The following BRD8 variants were observed in gnomAD, a reference collection of about 807,000 sequenced individuals.
BRD8 encodes bromodomain containing 8.
In BRD8, 67 loss-of-function variants were observed where a neutral mutation model predicts 143.1. The observed-to-expected ratio is 0.47, with a 90% CI of 0.38 to 0.57. The LOEUF (loss-of-function observed/expected upper bound fraction) is 0.57. Among genes scored for constraint, BRD8 ranks in the 20% least tolerant of loss-of-function variants. The pLI is 0.00. For synonymous variants in BRD8, 505 were observed against 517.1 expected, an observed-to-expected ratio of 0.98 and a Z score of 0.32; for missense variants, 1,103 against 1,503.0, an observed-to-expected ratio of 0.73 and a Z score of 4.40.
intron 21 of BRD8, 89 bp downstream of exon 21, chr5:138,152,393 A>G: frequency 2.0e-6 from 3 of 1,520,460 alleles, no homozygotes; most frequent in Non-Finnish European, 2.7e-6. Flanking sequence ...TTAGTAAACA[A>G]TATTAAGAGT....
chr5:138,140,996 TAAC>T (rs1320149172), intron 25 of BRD8, 114 bp from the exon 26 acceptor site: 2 of 1,086,352 alleles, frequency 1.8e-6, no homozygotes, highest in Non-Finnish European at 2.7e-6. Context: ...GTAGCAAAGA[TAAC>T]AACCCTCATC....
Position 138,163,166 on chromosome 5 carries a change from G to C in BRD8, c.2051C>G (p.Ala684Gly), listed in dbSNP as rs761543457. ...AGCAGGGCTGCTGGGGATGGAGTCT[G>C]CCAGTGTGTGTGACTGCAGTGTAGC... The part of the protein sequence containing the change: ...HNATLQSHTL[A>G]DSIPSSPASS... The change falls in exon 15 of 27, where the codon GCA becomes GGA. Residue 684 changes from alanine (A) to glycine (G), a missense_variant. By Grantham distance (60) the Ala-to-Gly change is moderately conservative. Coordinates refer to ENST00000254900, the MANE Select transcript of BRD8 (RefSeq NM_139199.2). 6.2e-7 allele frequency: 1 copy of C among 1,614,144 alleles called. No individual in the cohort carries two copies. The highest frequency in any genetic ancestry group is 8.5e-7 in the Non-Finnish European group (1 of 1,180,040).
chr5:138,166,422 A>AAG, intron 10 of BRD8, 96 bp downstream of exon 10: 1 of 723,462 alleles, frequency 1.4e-6, no homozygotes. Context: ...TAGAACAGAG[A>AAG]AGAAGCATCT....
intron 25 of BRD8, among the ~76,000 whole-genome samples, chr5:138,144,123 TA>T (rs1029603029): frequency 5.0e-5 from 6 of 120,788 alleles, no homozygotes; most frequent in African/African-American, 1.8e-4. Context: ...ACTCCGGATG[TA>T]CCACCTTTAA....
At position 138,166,619 on chromosome 5, in the gene BRD8, G is replaced by A. The variant is rs766380277; in HGVS notation, c.896C>T (p.Pro299Leu). The A allele has an allele frequency of 3.7e-6, 6 of 1,613,236 alleles. No homozygotes were observed. The highest frequency in any genetic ancestry group is 5.1e-6 in the Non-Finnish European group (6 of 1,179,312). The part of the protein sequence containing the change: ...ASEPPVKLVP[P>L]PVESVSQATI... Reference sequence around the variant, plus strand: ...AGCTTGGGACACAGACTCTACAGGGGGTGGCACAAGTTTAACTGGAGGCTC... The same window carrying A: ...AGCTTGGGACACAGACTCTACAGGGAGTGGCACAAGTTTAACTGGAGGCTC... Residue 299 changes from proline to leucine, a missense_variant, in exon 10 of 27, where the codon CCC becomes CTC. Physicochemically the swap from Pro to Leu is moderately conservative, Grantham distance 98 (BLOSUM62 -3). Coordinates refer to ENST00000254900, the MANE Select transcript of BRD8 (RefSeq NM_139199.2).
intron 23 of BRD8, among the ~76,000 whole-genome samples, chr5:138,146,374 G>C (rs1390549506): frequency 7.0e-6 from 1 of 143,502 alleles, no homozygotes; most frequent in Non-Finnish European, 1.5e-5. Flanking sequence ...TTTTTTTTTT[G>C]AGACAGGGTC....
At chr5:138,145,908 C>T (rs768378975) in intron 23 of BRD8, 30 bp from the exon 24 acceptor site, 1 of 1,563,068 alleles carries the variant, frequency 6.4e-7, no homozygotes, top group Non-Finnish European at 8.8e-7. Flanking sequence ...AGAAAAGAGA[C>T]AGTAACTTCA....
chr5:138,163,174 G>C lies in BRD8; in HGVS notation c.2043C>G (p.His681Gln). Reference sequence around the variant, plus strand: ...TGCTGGGGATGGAGTCTGCCAGTGTGTGTGACTGCAGTGTAGCATTGTGTA... The same window carrying C: ...TGCTGGGGATGGAGTCTGCCAGTGTCTGTGACTGCAGTGTAGCATTGTGTA... The part of the protein sequence containing the change: ...FSIHNATLQS[H>Q]TLADSIPSSP... The change falls in exon 15 of 27, where the codon CAC (histidine) becomes CAG (glutamine). Residue 681 changes from histidine (H) to glutamine (Q), a missense_variant. Coordinates refer to ENST00000254900, the MANE Select transcript of BRD8 (RefSeq NM_139199.2). The C allele has an allele frequency of 6.2e-7, 1 of 1,614,182 alleles. No individual in the cohort carries two copies. The highest frequency in any genetic ancestry group is 2.2e-5 in the East Asian group (1 of 44,890).
Position 138,172,521 on chromosome 5 carries a change from C to CAAA in BRD8, c.117-390_117-388dup, listed in dbSNP as rs10547758. Among the ~76,000 whole-genome samples the CAAA allele has an allele frequency of 1.5e-3, 36 of 24,682 alleles. 3 individuals carry two copies. Among genetic ancestry groups the CAAA allele is most frequent in the East Asian group, 0.012 (4 of 324 alleles). 16.2% of individuals were successfully genotyped at this position (24,682 alleles called of 152,430 possible). The stretch of plus-strand genomic sequence containing the variant: ...CTGGGGACAGAGTGAGACTCCATCT[C>CAAA]AAAAAAAAAAAAAAAAAAAAAAAAA... On this transcript the variant is annotated intron_variant, in intron 2 of 26. Transcript: ENST00000254900.
chr5:138,142,846 G>T (rs1043899751), intron 25 of BRD8, among the ~76,000 whole-genome samples: 2 of 151,684 alleles, frequency 1.3e-5, no homozygotes, highest in Admixed American at 1.3e-4. Flanking sequence ...TGGGAGGATT[G>T]CTTGAGACTA....
chr5:138,164,900 T>C lies in BRD8; in HGVS notation c.1545A>G (p.Pro515=). 1 of 1,614,248 alleles carries C rather than the reference T, an allele frequency of 6.2e-7. No homozygotes were observed. Among genetic ancestry groups the C allele is most frequent in the South Asian group, 1.1e-5 (1 of 91,088 alleles). Residue 515 remains proline, a synonymous_variant, in exon 12 of 27, where the codon CCA becomes CCG. Transcript: ENST00000254900. ...TTTCGGCTCCTGAAATGACTGGCTC[T>C]GGTTCTGCAGGTTCCACCTTGATCT... is the stretch of plus-strand genomic sequence containing the variant. The part of the protein sequence containing the change: ...SAEIKVEPAE[P]EPVISGAEIV...
intron 2 of BRD8, among the ~76,000 whole-genome samples, chr5:138,173,478 G>C (rs1754057192): frequency 6.6e-6 from 1 of 151,864 alleles, no homozygotes; most frequent in Non-Finnish European, 1.5e-5. Flanking sequence ...TTTCAAACCA[G>C]TTTACCTGTT....
chr5:138,153,025 A>G (rs141338179), intron 20 of BRD8, among the ~76,000 whole-genome samples: 1 of 152,340 alleles, frequency 6.6e-6, no homozygotes, highest in African/African-American at 2.4e-5. Flanking sequence ...ATATTACCTA[A>G]TAATTATTTT....
Position 138,145,164 on chromosome 5 carries a change from C to T in BRD8, c.3437+13G>A, listed in dbSNP as rs1752098545. The T allele has an allele frequency of 4.4e-6, 7 of 1,608,994 alleles. No homozygotes were observed. The highest frequency in any genetic ancestry group is 5.1e-6 in the Non-Finnish European group (6 of 1,178,644). ...AAAAGCAACCAACCTTTCTTGACCC[C>T]TTTTTCACTGACCTTTTCACCACAT... On this transcript the variant is annotated intron_variant, in intron 25 of 26. Coordinates refer to ENST00000254900, the MANE Select transcript of BRD8 (RefSeq NM_139199.2).
chr5:138,150,321 T>C (rs1752330739), intron 22 of BRD8, among the ~76,000 whole-genome samples: 1 of 152,090 alleles, frequency 6.6e-6, no homozygotes, highest in African/African-American at 2.4e-5. Context: ...TTGCCCAGAC[T>C]GGTCTTGAAC....
chr5:138,152,148 G>A (rs930120037), intron 21 of BRD8, among the ~76,000 whole-genome samples: 4 of 148,486 alleles, frequency 2.7e-5, no homozygotes, highest in Middle Eastern at 3.3e-3. Flanking sequence ...GAGCCACTGC[G>A]CCCGGCCATT....
intron 25 of BRD8, among the ~76,000 whole-genome samples, chr5:138,144,912 A>AT (rs1264815360): frequency 2.2e-4 from 32 of 143,602 alleles, no homozygotes; most frequent in African/African-American, 4.8e-4. Context: ...AAAAAAAAAA[A>AT]AAAAAAATAT....
chr5:138,169,248 T>C lies in BRD8; in HGVS notation c.616A>G (p.Thr206Ala), dbSNP rs745806998. Residue 206 changes from threonine to alanine, a missense_variant, in exon 8 of 27, where the codon ACC (threonine) becomes GCC (alanine). By Grantham distance (58) the Thr-to-Ala change is moderately conservative. Transcript: ENST00000254900. ...CCAGAGGTAGCCTCTTCCATAGTGG[T>C]TGGAGTCAAGTCCCCAAGTGGATAA... ...GDYPLGDLTP[T>A]TMEEATSGVN... 1 of 1,614,042 alleles carries C rather than the reference T, an allele frequency of 6.2e-7. No homozygotes were observed. Among genetic ancestry groups the C allele is most frequent in the South Asian group, 1.1e-5 (1 of 91,084 alleles).
Position 138,165,953 on chromosome 5 carries a change from C to A in BRD8, c.1153G>T (p.Ala385Ser), listed in dbSNP as rs760049939. Residue 385 changes from alanine to serine, a missense_variant, in exon 11 of 27, where the codon GCT becomes TCT. Ala to Ser is a moderately conservative substitution (Grantham distance 99). This residue lies in a region of BRD8 where 334 missense variants were observed against 372.5 expected (regional missense o/e 0.90). Coordinates refer to ENST00000254900, the MANE Select transcript of BRD8 (RefSeq NM_139199.2). The part of the protein sequence containing the change: ...GVAEAPVGSK[A>S]PSIDGKEELD... Reference sequence around the variant, plus strand: ...TCTTCCTTCCCATCTATGCTGGGAGCCTTTGATCCAACAGGAGCCTCTGCT... The same window carrying A: ...TCTTCCTTCCCATCTATGCTGGGAGACTTTGATCCAACAGGAGCCTCTGCT... 3.7e-6 allele frequency: 6 copies of A among 1,614,180 alleles called. No individual in the cohort carries two copies. Among genetic ancestry groups the A allele is most frequent in the South Asian group, 3.3e-5 (3 of 91,090 alleles).
Sources: allele counts gnomAD v4.1 joint callset (sites outside exome capture counted in the v4.1 genomes callset), GRCh38; gene constraint gnomAD v4.1.1; regional missense constraint gnomAD v4.1.1; transcripts MANE v1.5; gene names NCBI Gene and HGNC (gene_info 2026-07-23, HGNC 2026-07-21).